The following MAST4 variants were observed in gnomAD, a reference collection of about 807,000 sequenced individuals.
The protein encoded by MAST4 is microtubule associated serine/threonine kinase family member 4.
In MAST4, 89 loss-of-function variants were observed where a neutral mutation model predicts 162.7. The observed-to-expected ratio is 0.55, with a 90% confidence interval of 0.46 to 0.65. MAST4 has a LOEUF of 0.65. MAST4 is among the 30% of genes least tolerant of loss of function. The pLI is 0.00. For synonymous variants in MAST4, 1,479 were observed against 1,361.1 expected, an observed-to-expected ratio of 1.09 and a Z score of -1.91; for missense variants, 3,153 against 3,374.0, an observed-to-expected ratio of 0.93 and a Z score of 1.62.
At chr5:66,658,464 C>G (rs1269685002) in intron 1 of MAST4, among the ~76,000 whole-genome samples, 1 of 152,000 alleles carries the variant, frequency 6.6e-6, no homozygotes, top group South Asian at 2.1e-4. Context: ...CAAATTAAGC[C>G]TAAGTAAGTG....
intron 3 of MAST4, among the ~76,000 whole-genome samples, chr5:66,876,412 T>C (rs1169540855): frequency 2.6e-5 from 4 of 152,046 alleles, no homozygotes; most frequent in Non-Finnish European, 5.9e-5. Flanking sequence ...GGCCAGGAGA[T>C]AGGGGATGTG....
chr5:67,116,216 T>C (rs1438392255), intron 12 of MAST4, among the ~76,000 whole-genome samples: 2 of 152,060 alleles, frequency 1.3e-5, no homozygotes, highest in Non-Finnish European at 2.9e-5. Context: ...TTGTTTTGTT[T>C]TGTTTTGGAG....
At position 66,743,492 on chromosome 5, in the gene MAST4, C is replaced by T. The variant is rs371569307; in HGVS notation, c.364-16217C>T. On this transcript the variant is annotated intron_variant, in intron 1 of 28. Transcript: ENST00000403625. The stretch of plus-strand genomic sequence containing the variant: ...CTGCGTGCCTCCCACAGAGGTGGGG[C>T]GGGCATTTGGAAGTGCTTTGGGCAG... Among the ~76,000 whole-genome samples, 29 of 152,304 alleles carry T rather than the reference C, an allele frequency of 1.9e-4. No homozygotes were observed. The East Asian group carries it at 2.3e-3, about 12-fold the overall frequency.
chr5:66,698,434 A>G (rs1749551854), intron 1 of MAST4, among the ~76,000 whole-genome samples: 1 of 138,646 alleles, frequency 7.2e-6, no homozygotes, highest in Non-Finnish European at 1.5e-5. Flanking sequence ...TGGCTGTCCT[A>G]CCCCCTTGCT....
At chr5:66,797,687 G>A (rs1489318958) in intron 3 of MAST4, among the ~76,000 whole-genome samples, 2 of 152,196 alleles carry the variant, frequency 1.3e-5, no homozygotes, top group African/African-American at 4.8e-5. Context: ...AGAATTCATA[G>A]AAGCAGAAGA....
chr5:66,648,034 ATGTGTGTG>A lies in MAST4; in HGVS notation c.363+51059_363+51066del, dbSNP rs745965169. ...AATGTAGGCCTGTGTGTGTTAGGTAATGTGTGTGTGTGTGTGTGTGTGTGTGTGTGTGT... is the reference window on the plus strand; with the variant it reads ...AATGTAGGCCTGTGTGTGTTAGGTAATGTGTGTGTGTGTGTGTGTGTGTGT... On this transcript the variant is annotated intron_variant, in intron 1 of 28. Transcript: ENST00000403625. Among the ~76,000 whole-genome samples the A allele has an allele frequency of 4.5e-3, 535 of 119,044 alleles. 3 individuals carry two copies. Among genetic ancestry groups the A allele is most frequent in the South Asian group, 0.018 (59 of 3,206 alleles). The allele number at this position is 119,044 out of a possible 152,430, so 78.1% of individuals were successfully genotyped here.
chr5:66,947,058 C>T (rs1744114027), intron 4 of MAST4, among the ~76,000 whole-genome samples: 1 of 152,070 alleles, frequency 6.6e-6, no homozygotes, highest in Non-Finnish European at 1.5e-5. Flanking sequence ...TATGAGGCTC[C>T]TGGTAACTTG....
intron 2 of MAST4, 33 bp from the exon 3 acceptor site, chr5:66,788,637 T>G: frequency 2.3e-6 from 3 of 1,320,230 alleles, no homozygotes; most frequent in Non-Finnish European, 2.0e-6. Context: ...CGGCTGCCTG[T>G]CACTTACATT....
chr5:66,894,069 C>T (rs1385296776), intron 3 of MAST4, among the ~76,000 whole-genome samples: 2 of 152,208 alleles, frequency 1.3e-5, no homozygotes, highest in African/African-American at 2.4e-5. Context: ...TTGCCTCACA[C>T]TGCTTCCCAC....
chr5:66,640,185 G>A (rs1054584941), intron 1 of MAST4, among the ~76,000 whole-genome samples: 1 of 152,000 alleles, frequency 6.6e-6, no homozygotes, highest in African/African-American at 2.4e-5. Flanking sequence ...TCCTGTGTCT[G>A]GCTTTCTTCA....
chr5:66,996,655 C>A (rs1040020191), intron 4 of MAST4, among the ~76,000 whole-genome samples: 1 of 152,164 alleles, frequency 6.6e-6, no homozygotes, highest in African/African-American at 2.4e-5. Context: ...GAGCTGCATT[C>A]CTTGCAGTTT....
At chr5:67,026,745 G>A (rs1474751153) in intron 4 of MAST4, among the ~76,000 whole-genome samples, 3 of 152,106 alleles carry the variant, frequency 2.0e-5, no homozygotes, top group African/African-American at 7.2e-5. Context: ...CACACTTCTG[G>A]AATATTTGAG....
chr5:67,166,850 A>G lies in MAST4; in HGVS notation c.7671A>G (p.Val2557=). The G allele has an allele frequency of 6.2e-7, 1 of 1,606,012 alleles. No individual in the cohort carries two copies. Among genetic ancestry groups the G allele is most frequent in the Non-Finnish European group, 8.5e-7 (1 of 1,176,702 alleles). The change falls in exon 29 of 29, where the codon GTA becomes GTG. Residue 2557 remains valine (V), a synonymous_variant. Coordinates refer to ENST00000403625, the MANE Select transcript of MAST4 (RefSeq NM_001164664.2). ...GGGCTCTCTCGGTGACTGCCACCGT[A>G]GGGGAAACCAAAGGGAAGGACCCTG... The part of the protein sequence containing the change: ...RDRALSVTAT[V]GETKGKDPAP...
At chr5:67,024,841 T>TA (rs970684449) in intron 4 of MAST4, among the ~76,000 whole-genome samples, 12 of 151,768 alleles carry the variant, frequency 7.9e-5, no homozygotes, top group Non-Finnish European at 1.0e-4. Context: ...TGTTTTTTTT[T>TA]TTATTTTTAG....
At chr5:66,956,936 G>A (rs901752998) in intron 4 of MAST4, among the ~76,000 whole-genome samples, 3 of 152,152 alleles carry the variant, frequency 2.0e-5, no homozygotes, top group African/African-American at 7.2e-5. Context: ...ACATTAGGTG[G>A]AAAGAATGGT....
At chr5:66,726,926 T>C (rs147839325) in intron 1 of MAST4, among the ~76,000 whole-genome samples, 128 of 152,130 alleles carry the variant, frequency 8.4e-4, no homozygotes, top group African/African-American at 2.8e-3. Flanking sequence ...TTGAAATAGA[T>C]CATTTGGCAG....
intron 4 of MAST4, among the ~76,000 whole-genome samples, chr5:66,991,144 C>T (rs1033487198): frequency 1.3e-5 from 2 of 152,200 alleles, no homozygotes; most frequent in Non-Finnish European, 2.9e-5. Flanking sequence ...GAAAAACTGG[C>T]TGGCTGGTTT....
At chr5:67,152,168 T>C (rs781496119) in intron 24 of MAST4, among the ~76,000 whole-genome samples, 4 of 152,260 alleles carry the variant, frequency 2.6e-5, no homozygotes, top group Non-Finnish European at 5.9e-5. Context: ...AAAAGGACCA[T>C]GTTAAAATTG....
intron 1 of MAST4, among the ~76,000 whole-genome samples, chr5:66,698,491 A>G (rs1195910374): frequency 1.3e-5 from 2 of 150,878 alleles, no homozygotes; most frequent in African/African-American, 2.4e-5. Flanking sequence ...TTCTCTGCCC[A>G]GTCTATGGAG....
Sources: allele counts gnomAD v4.1 joint callset (sites outside exome capture counted in the v4.1 genomes callset), GRCh38; gene constraint gnomAD v4.1.1; transcripts MANE v1.5; gene names NCBI Gene and HGNC (gene_info 2026-07-23, HGNC 2026-07-21).